Variants in GPR35 observed in about 807,000 individuals in gnomAD.
GPR35 encodes the protein KYNA receptor.
For synonymous variants in GPR35, 207 were observed against 198.4 expected, an observed-to-expected ratio of 1.04 and a Z score of -0.36; for missense variants, 372 against 422.5, an observed-to-expected ratio of 0.88 and a Z score of 1.05.
intron 2 of GPR35, among the ~76,000 whole-genome samples, chr2:240,611,238 G>A (rs2043180466): frequency 6.6e-6 from 1 of 152,106 alleles, no homozygotes; most frequent in Non-Finnish European, 1.5e-5. Context: ...AAAGTTCTGG[G>A]GTTACAGGCA....
chr2:240,621,654 A>G (rs113452116), upstream of GPR35, among the ~76,000 whole-genome samples: 20 of 151,900 alleles, frequency 1.3e-4, 1 homozygote, highest in African/African-American at 4.9e-4. Context: ...CTCGATTCAG[A>G]CCTCAAGACA....
rs890593877 is a variant in GPR35 at position 240,631,132 on chromosome 2, A to C, written c.*250A>C. 10 of 549,146 alleles carry C rather than the reference A, an allele frequency of 1.8e-5. No homozygotes were observed. The highest frequency in any genetic ancestry group is 3.4e-5 in the Non-Finnish European group (10 of 298,476). 34.0% of individuals were successfully genotyped at this position (549,146 alleles called of 1,614,324 possible). A position where few individuals can be genotyped will look rare whatever the true frequency, so the allele number is the denominator to read the frequency against. On this transcript the variant is annotated 3_prime_UTR_variant, in exon 2 of 2. Transcript: ENST00000407714. ...TCAGAGACCCCCGGGATGGGGCCTC[A>C]CACTTGCCACCCCCAGAACCAGCTC...
intron 5 of GPR35, among the ~76,000 whole-genome samples, chr2:240,620,310 C>T (rs2043278887): frequency 1.3e-5 from 2 of 152,146 alleles, no homozygotes; most frequent in Non-Finnish European, 2.9e-5. Flanking sequence ...CTGGGATCTC[C>T]CTGCTGGTGG....
chr2:240,619,695 C>G (rs866596503), intron 5 of GPR35, among the ~76,000 whole-genome samples: 1 of 152,226 alleles, frequency 6.6e-6, no homozygotes, highest in Non-Finnish European at 1.5e-5. Context: ...TGACAGCACA[C>G]GACACACACT....
rs1365369582 is a variant in GPR35, at chr2:240,629,614, A to G, written c.-4-335A>G. 1.2e-5 allele frequency: 3 copies of G among 240,880 alleles called. No individual in the cohort carries two copies. The East Asian group carries it at 2.5e-4, about 20-fold the overall frequency. 14.9% of individuals were successfully genotyped at this position (240,880 alleles called of 1,614,324 possible). On this transcript the variant is annotated intron_variant, in intron 1 of 1. Coordinates refer to ENST00000407714, the MANE Select transcript of GPR35 (RefSeq NM_005301.5). ...TGGTGGCCCTTTGGGCTCCCTGTCC[A>G]GGATTTGCGCTCTGGAGGGTAGGGC...
intron 1 of GPR35, 70 bp downstream of exon 1, chr2:240,625,638 T>TGTGATGGGGTCTCAGAGTGGGGC (rs2043359881): frequency 1.6e-6 from 1 of 639,134 alleles, no homozygotes; most frequent in Non-Finnish European, 1.9e-6. Context: ...CAGAGTGGGG[T>TGTGATGGGGTCTCAGAGTGGGGC]GAGGCTGTGA....
At chr2:240,614,962 A>G (rs1301736022) in intron 2 of GPR35, among the ~76,000 whole-genome samples, 1 of 151,706 alleles carries the variant, frequency 6.6e-6, no homozygotes, top group African/African-American at 2.4e-5. Context: ...TTATGTGTGT[A>G]TTTGTATATG....
chr2:240,606,541 T>A (rs1204307384), exon 2 of GPR35: 1 of 152,306 alleles, frequency 6.6e-6, no homozygotes, highest in Non-Finnish European at 1.5e-5. Context: ...TAGCTGTGGA[T>A]GCGGCCGTGA....
intron 4 of GPR35, among the ~76,000 whole-genome samples, chr2:240,617,881 A>G (rs1341129499): frequency 1.1e-4 from 16 of 152,254 alleles, no homozygotes; most frequent in Non-Finnish European, 2.4e-4. Context: ...GTTCTCTGGC[A>G]TAAGAAGACA....
chr2:240,618,234 C>T (rs982399584), intron 4 of GPR35, among the ~76,000 whole-genome samples: 35 of 152,172 alleles, frequency 2.3e-4, no homozygotes, highest in African/African-American at 7.5e-4. Context: ...TTGTTTTATC[C>T]TGTAACACAC....
intron 2 of GPR35, chr2:240,607,168 T>C (rs886359845): frequency 6.6e-6 from 1 of 151,288 alleles, no homozygotes; most frequent in Non-Finnish European, 1.5e-5. Context: ...CATTTACTTA[T>C]TTTTAATTTT....
In GPR35 at chr2:240,630,755, A is replaced by G. The variant is rs777940996; in HGVS notation, c.803A>G (p.Asn268Ser). 6 of 1,613,412 alleles carry G rather than the reference A, an allele frequency of 3.7e-6. No homozygotes were observed. The highest frequency in any genetic ancestry group is 5.1e-6 in the Non-Finnish European group (6 of 1,180,030). Residue 268 changes from asparagine to serine, a missense_variant, in exon 2 of 2, where the codon AAC (asparagine) becomes AGC (serine). Physicochemically the swap from Asn to Ser is conservative, Grantham distance 46. Transcript: ENST00000407714. The part of the protein sequence containing the change: ...LYITSKLSDA[N>S]CCLDAICYYY... ...ATAACCAGCAAGCTCTCAGATGCCAACTGCTGCCTGGACGCCATCTGCTAC... is the reference window on the plus strand; with the variant it reads ...ATAACCAGCAAGCTCTCAGATGCCAGCTGCTGCCTGGACGCCATCTGCTAC...
chr2:240,618,975 A>C, exon 5 of GPR35: 1 of 702,800 alleles, frequency 1.4e-6, no homozygotes, highest in Non-Finnish European at 2.6e-6. Flanking sequence ...TCCCCACTCC[A>C]CACCGTGGCA....
intron 2 of GPR35, among the ~76,000 whole-genome samples, chr2:240,612,689 C>G (rs541624064): frequency 1.3e-5 from 2 of 152,356 alleles, no homozygotes; most frequent in South Asian, 4.1e-4. Flanking sequence ...CAAGACTGGC[C>G]TGAGCCGCAC....
chr2:240,615,498 T>C (rs558632910), intron 2 of GPR35, among the ~76,000 whole-genome samples: 16 of 152,364 alleles, frequency 1.1e-4, no homozygotes, highest in African/African-American at 3.4e-4. Context: ...ATTTTGGAAA[T>C]GTTCAGACTG....
chr2:240,619,596 C>T (rs1433972850), intron 5 of GPR35, among the ~76,000 whole-genome samples: 11 of 152,220 alleles, frequency 7.2e-5, no homozygotes, highest in South Asian at 2.1e-4. Flanking sequence ...CCTGCTGCCC[C>T]GGGGAGGACG....
intron 3 of GPR35, chr2:240,616,947 G>A (rs374821504): frequency 1.3e-6 from 1 of 773,708 alleles, no homozygotes; most frequent in Non-Finnish European, 2.4e-6. Context: ...CAGGCCAGCT[G>A]CCCATTGGGA....
intron 2 of GPR35, among the ~76,000 whole-genome samples, chr2:240,614,874 CTA>C (rs143329562): frequency 6.6e-6 from 1 of 151,840 alleles, no homozygotes; most frequent in Non-Finnish European, 1.5e-5. Context: ...TATGTAGTAT[CTA>C]TATATATGTG....
At chr2:240,607,540 A>G (rs2043147583) in intron 2 of GPR35, 1 of 152,062 alleles carries the variant, frequency 6.6e-6, no homozygotes, top group Admixed American at 6.6e-5. Context: ...ATATTTTGTA[A>G]CTTCAAGCAT....
Sources: gnomAD v4.1 joint callset for allele counts (sites outside exome capture counted in the v4.1 genomes callset) on GRCh38, gnomAD v4.1.1 for gene constraint, MANE v1.5 for transcripts, NCBI Gene and HGNC (gene_info 2026-07-23, HGNC 2026-07-21) for gene names.